BANK1: variants seen among roughly 807,000 people sequenced by gnomAD.
The protein encoded by BANK1 is B cell scaffold protein with ankyrin repeats 1, also known as B-cell scaffold protein with ankyrin repeats.
BANK1 carries 95 observed loss-of-function variants against 94.5 expected under a neutral mutation model. The observed-to-expected ratio is 1.00, with a 90% CI of 0.85 to 1.19. BANK1 has a LOEUF of 1.19. Ranked by LOEUF, BANK1 falls within the 50% of genes most tolerant of loss-of-function variation. The pLI, the probability that BANK1 is intolerant of heterozygous loss-of-function variation, is 0.00. For missense variants in BANK1, 987 were observed against 932.2 expected (o/e 1.06, Z -0.77); for synonymous variants, 334 against 308.4 (o/e 1.08, Z -0.87).
At chr4:102,047,423 A>G (rs1240702255) in intron 11 of BANK1, among the ~76,000 whole-genome samples, 1 of 95,190 alleles carries the variant, frequency 1.1e-5, no homozygotes, top group Non-Finnish European at 2.2e-5. Flanking sequence ...TTTAAGGAGA[A>G]AGATAGATCT....
chr4:101,964,623 G>T (rs546186388), intron 7 of BANK1, among the ~76,000 whole-genome samples: 2 of 151,894 alleles, frequency 1.3e-5, no homozygotes, highest in South Asian at 2.1e-4. Context: ...CTATAACAGG[G>T]TGTCATTTTT....
chr4:101,801,033 C>G (rs1301499227), intron 1 of BANK1, among the ~76,000 whole-genome samples: 1 of 152,210 alleles, frequency 6.6e-6, no homozygotes, highest in Non-Finnish European at 1.5e-5. Context: ...GCGGATGTTT[C>G]TGTCATGTCA....
chr4:101,946,511 G>A (rs1318243312), intron 7 of BANK1, among the ~76,000 whole-genome samples: 7 of 151,878 alleles, frequency 4.6e-5, no homozygotes, highest in Non-Finnish European at 7.4e-5. Flanking sequence ...ATTAGCAGAC[G>A]GCAAAATGCA....
chr4:101,849,491 A>G (rs1018175087), intron 2 of BANK1, among the ~76,000 whole-genome samples: 19 of 152,106 alleles, frequency 1.2e-4, no homozygotes, highest in African/African-American at 3.9e-4. Flanking sequence ...TAGTTAGGAC[A>G]TGGAGATACA....
intron 7 of BANK1, among the ~76,000 whole-genome samples, chr4:101,984,187 A>G (rs1015036468): frequency 1.3e-5 from 2 of 152,084 alleles, no homozygotes; most frequent in African/African-American, 4.8e-5. Flanking sequence ...AAAAGGACAT[A>G]AAAGACCTAA....
At chr4:101,878,309 CT>C (rs1417275979) in intron 5 of BANK1, among the ~76,000 whole-genome samples, 1 of 152,088 alleles carries the variant, frequency 6.6e-6, no homozygotes, top group Non-Finnish European at 1.5e-5. Flanking sequence ...GGTAGTTACA[CT>C]GATAACAGAG....
In BANK1 at chr4:102,025,338, G is replaced by C; in HGVS notation, c.1423G>C (p.Val475Leu). 1 of 1,614,084 alleles carries C rather than the reference G, an allele frequency of 6.2e-7. No individual in the cohort carries two copies. Among genetic ancestry groups the C allele is most frequent in the Non-Finnish European group, 8.5e-7 (1 of 1,180,020 alleles). Residue 475 changes from valine (V) to leucine (L), a missense_variant, in exon 9 of 17, where the codon GTT becomes CTT. By Grantham distance (32) the Val-to-Leu change is conservative (BLOSUM62 1). Transcript: ENST00000322953. Reference sequence around the variant, plus strand: ...GGAGACCAAACACAGCCCACTAGAGGTTGGCAGTGAGAGTTCTGAAGACCA... The same window carrying C: ...GGAGACCAAACACAGCCCACTAGAGCTTGGCAGTGAGAGTTCTGAAGACCA... ...GMETKHSPLE[V>L]GSESSEDQYD...
At chr4:101,800,289 AAAAAG>A (rs1304185056) in intron 1 of BANK1, among the ~76,000 whole-genome samples, 1 of 152,126 alleles carries the variant, frequency 6.6e-6, no homozygotes, top group Admixed American at 6.5e-5. Flanking sequence ...ATTTAAAAAA[AAAAAG>A]AAAAGAAAAA....
intron 1 of BANK1, among the ~76,000 whole-genome samples, chr4:101,802,252 C>T (rs1049788701): frequency 6.6e-6 from 1 of 152,178 alleles, no homozygotes; most frequent in African/African-American, 2.4e-5. Flanking sequence ...GCATTTCTAA[C>T]ATCATCATAC....
intron 1 of BANK1, among the ~76,000 whole-genome samples, chr4:101,801,645 CTTGAAA>C (rs1221546687): frequency 6.6e-6 from 1 of 152,138 alleles, no homozygotes; most frequent in East Asian, 1.9e-4. Flanking sequence ...GCATTTGTCT[CTTGAAA>C]TTGAGTGTTT....
chr4:102,047,368 A>C (rs1727910182), intron 11 of BANK1, among the ~76,000 whole-genome samples: 1 of 152,136 alleles, frequency 6.6e-6, no homozygotes, highest in South Asian at 2.1e-4. Context: ...ATTTACATGC[A>C]AAAAACTCTT....
intron 2 of BANK1, among the ~76,000 whole-genome samples, chr4:101,838,617 T>C (rs1397013089): frequency 2.6e-5 from 4 of 152,248 alleles, no homozygotes; most frequent in Non-Finnish European, 5.9e-5. Context: ...AAAATTTTAC[T>C]GTCTCTTATT....
chr4:101,796,619 G>C (rs1271095925), intron 1 of BANK1, among the ~76,000 whole-genome samples: 1 of 152,140 alleles, frequency 6.6e-6, no homozygotes, highest in East Asian at 1.9e-4. Context: ...AATCCTTAGA[G>C]CTGGAGAGAA....
chr4:101,829,670 G>A (rs1726526551), intron 1 of BANK1, 138 bp from the exon 2 acceptor site: 3 of 451,986 alleles, frequency 6.6e-6, no homozygotes, highest in Non-Finnish European at 1.1e-5. Context: ...TTTATACTAT[G>A]AAGGACTTTC....
At chr4:102,022,989 GC>G (rs767932586) in intron 8 of BANK1, among the ~76,000 whole-genome samples, 3 of 151,996 alleles carry the variant, frequency 2.0e-5, no homozygotes, top group Non-Finnish European at 4.4e-5. Flanking sequence ...CACTTTACCT[GC>G]TCCTTTTCTT....
At chr4:101,936,157 G>A (rs1723525807) in intron 7 of BANK1, among the ~76,000 whole-genome samples, 1 of 149,362 alleles carries the variant, frequency 6.7e-6, no homozygotes, top group South Asian at 2.1e-4. Flanking sequence ...CATCTGACAA[G>A]AGACTTATAA....
chr4:102,029,029 C>T (rs914677623), intron 9 of BANK1, among the ~76,000 whole-genome samples: 4 of 152,034 alleles, frequency 2.6e-5, no homozygotes, highest in Admixed American at 6.6e-5. Flanking sequence ...ATCCTTTCTC[C>T]TCAATTTCTG....
chr4:101,964,205 A>G (rs917744348), intron 7 of BANK1, among the ~76,000 whole-genome samples: 10 of 152,166 alleles, frequency 6.6e-5, no homozygotes, highest in Admixed American at 5.2e-4. Context: ...TATTCATTGC[A>G]TTGCTCTGTA....
At chr4:101,963,808 T>C (rs1450892228) in intron 7 of BANK1, among the ~76,000 whole-genome samples, 2 of 152,114 alleles carry the variant, frequency 1.3e-5, no homozygotes, top group African/African-American at 4.8e-5. Flanking sequence ...GACCCTCCTG[T>C]ATCTGTGCAC....
Sources: allele counts gnomAD v4.1 joint callset (sites outside exome capture counted in the v4.1 genomes callset), GRCh38; gene constraint gnomAD v4.1.1; transcripts MANE v1.5; gene names NCBI Gene and HGNC (gene_info 2026-07-23, HGNC 2026-07-21).